KALRN: variants seen among roughly 807,000 people sequenced by gnomAD.
KALRN encodes the protein kalirin RhoGEF kinase.
Under a neutral mutation model 353.7 loss-of-function variants are expected in KALRN, and 70 were observed. That is an observed-to-expected ratio of 0.20 (90% CI 0.16 to 0.24). KALRN has a LOEUF of 0.24. Ranked by LOEUF, KALRN falls within the 10% of genes least tolerant of loss-of-function variation. The pLI is 1.00. For missense variants in KALRN, 2,791 were observed against 3,756.7 expected (o/e 0.74, Z 6.72); for synonymous variants, 1,391 against 1,434.8 (o/e 0.97, Z 0.69).
intron 33 of KALRN, among the ~76,000 whole-genome samples, chr3:124,511,244 ACT>A (rs2065868980): frequency 6.6e-6 from 1 of 151,894 alleles, no homozygotes; most frequent in African/African-American, 2.4e-5. Flanking sequence ...TGAGTTGAAC[ACT>A]CTCTGTTCCT....
At chr3:124,430,300 A>T (rs934589431) in intron 15 of KALRN, among the ~76,000 whole-genome samples, 2 of 152,216 alleles carry the variant, frequency 1.3e-5, no homozygotes, top group Admixed American at 1.3e-4. Context: ...AAAGAAAAGG[A>T]TACCAACAGA....
At position 124,637,246 on chromosome 3, in the gene KALRN, A is replaced by T. The variant is rs761619140; in HGVS notation, c.5607A>T (p.Glu1869Asp). Reference sequence around the variant, plus strand: ...TAGCAGCCCGGCAGGCTTCCACTGAAGTACCTACTGCTGCAGACCTTGTCA... The same window carrying T: ...TAGCAGCCCGGCAGGCTTCCACTGATGTACCTACTGCTGCAGACCTTGTCA... ...SLLAARQAST[E>D]VPTAADLVNA... Residue 1869 changes from glutamate (E) to aspartate (D), a missense_variant, in exon 37 of 60, where the codon GAA (glutamate) becomes GAT (aspartate). Physicochemically the swap from Glu to Asp is conservative, Grantham distance 45 (BLOSUM62 2). This residue lies in a region of KALRN where 1,065 missense variants were observed against 1,156.4 expected (regional missense o/e 0.92). Transcript: ENST00000682506. 6.2e-7 allele frequency: 1 copy of T among 1,614,170 alleles called. No homozygotes were observed. Among genetic ancestry groups the T allele is most frequent in the Non-Finnish European group, 8.5e-7 (1 of 1,180,030 alleles).
rs549580955 is a variant in KALRN at position 124,397,782 on chromosome 3, C to T, written c.2172-915C>T. On this transcript the variant is annotated intron_variant, in intron 12 of 59. Coordinates refer to ENST00000682506, the MANE Select transcript of KALRN (RefSeq NM_001388419.1). ...GGCTGCACCCCCTCCTATTACTTGA[C>T]TGTGTTTCTCCATTTCTTCAAACCC... 9.2e-5 allele frequency among the ~76,000 whole-genome samples: 14 copies of T among 152,328 alleles called. No individual in the cohort carries two copies. The South Asian group carries it at 2.5e-3, about 27-fold the overall frequency.
At chr3:124,495,222 C>T (rs1020071869) in intron 32 of KALRN, among the ~76,000 whole-genome samples, 4 of 152,140 alleles carry the variant, frequency 2.6e-5, no homozygotes, top group African/African-American at 9.7e-5. Context: ...GAACCTGTGA[C>T]TGTTCACCAA....
intron 15 of KALRN, among the ~76,000 whole-genome samples, chr3:124,429,428 G>A (rs1407204931): frequency 6.6e-6 from 1 of 152,202 alleles, no homozygotes; most frequent in Non-Finnish European, 1.5e-5. Context: ...ATCTGAAACA[G>A]ATAGTGGTGT....
intron 58 of KALRN, 61 bp downstream of exon 58, chr3:124,713,196 C>T: frequency 3.5e-6 from 5 of 1,415,720 alleles, no homozygotes; most frequent in Non-Finnish European, 4.9e-6. Flanking sequence ...CTTTTGCCCA[C>T]AATTAATGGA....
chr3:124,068,691 TA>T, intron 1 of KALRN, among the ~76,000 whole-genome samples: 1 of 152,320 alleles, frequency 6.6e-6, no homozygotes, highest in East Asian at 1.9e-4. Context: ...TGGTAGATTT[TA>T]AATATTTATT....
chr3:124,579,235 G>A (rs568408694), intron 34 of KALRN, among the ~76,000 whole-genome samples: 25 of 152,238 alleles, frequency 1.6e-4, no homozygotes, highest in African/African-American at 4.6e-4. Context: ...CTGACATTGT[G>A]GTACACCTGG....
At chr3:124,125,295 GC>G (rs1370744587) in intron 1 of KALRN, among the ~76,000 whole-genome samples, 8 of 152,194 alleles carry the variant, frequency 5.3e-5, no homozygotes, top group Admixed American at 2.0e-4. Context: ...CTAGCAACAA[GC>G]CTTGAATCTA....
intron 33 of KALRN, among the ~76,000 whole-genome samples, chr3:124,508,681 G>T (rs2065516286): frequency 6.6e-6 from 1 of 152,150 alleles, no homozygotes; most frequent in South Asian, 2.1e-4. Flanking sequence ...AAGTAAAATT[G>T]TTAGGTGATA....
chr3:124,159,157 CTT>C (rs2069496927), intron 1 of KALRN, among the ~76,000 whole-genome samples: 1 of 152,186 alleles, frequency 6.6e-6, no homozygotes, highest in Admixed American at 6.5e-5. Flanking sequence ...TTCCCCATGT[CTT>C]CTGAGCTCAC....
At chr3:124,035,899 C>A (rs1217106911) in intron 1 of KALRN, among the ~76,000 whole-genome samples, 2 of 152,132 alleles carry the variant, frequency 1.3e-5, no homozygotes, top group Non-Finnish European at 2.9e-5. Context: ...GTGCATGAGG[C>A]TGGAAATGAC....
At chr3:124,691,801 C>A (rs1258052267) in intron 51 of KALRN, among the ~76,000 whole-genome samples, 5 of 152,336 alleles carry the variant, frequency 3.3e-5, no homozygotes, top group South Asian at 2.1e-4. Flanking sequence ...TTAGTGCCCC[C>A]CTACAGGTGA....
At chr3:124,672,094 C>T (rs1246621040) in intron 48 of KALRN, among the ~76,000 whole-genome samples, 196 bp downstream of exon 48, 3 of 152,144 alleles carry the variant, frequency 2.0e-5, no homozygotes, top group African/African-American at 7.2e-5. Context: ...GGACTACAGG[C>T]GCCCTACCAT....
chr3:124,585,017 A>G, intron 34 of KALRN: 1 of 1,307,306 alleles, frequency 7.6e-7, no homozygotes, highest in Middle Eastern at 2.0e-4. Flanking sequence ...GGGTAGGCGG[A>G]TGGGGCTGGG....
At chr3:124,718,415 C>T (rs1273869597) in intron 59 of KALRN, among the ~76,000 whole-genome samples, 1 of 152,160 alleles carries the variant, frequency 6.6e-6, no homozygotes, top group Non-Finnish European at 1.5e-5. Context: ...GCCACCGTGC[C>T]CGGCCTCCCC....
chr3:124,655,199 G>A (rs1305038610), intron 38 of KALRN, among the ~76,000 whole-genome samples: 1 of 152,202 alleles, frequency 6.6e-6, no homozygotes, highest in Non-Finnish European at 1.5e-5. Flanking sequence ...AATGAAGGAA[G>A]AAAAGTCTCA....
chr3:124,397,202 A>G (rs2090273761), intron 12 of KALRN, among the ~76,000 whole-genome samples: 1 of 152,224 alleles, frequency 6.6e-6, no homozygotes, highest in African/African-American at 2.4e-5. Context: ...AAAGCCCTCA[A>G]CAAATACATA....
At chr3:124,089,448 G>C (rs1297736394) in intron 1 of KALRN, among the ~76,000 whole-genome samples, 1 of 152,088 alleles carries the variant, frequency 6.6e-6, no homozygotes, top group South Asian at 2.1e-4. Flanking sequence ...AAACCTCCTG[G>C]GGGGTGAACG....
Sources: allele counts gnomAD v4.1 joint callset (sites outside exome capture counted in the v4.1 genomes callset), GRCh38; gene constraint gnomAD v4.1.1; regional missense constraint gnomAD v4.1.1; transcripts MANE v1.5; gene names NCBI Gene and HGNC (gene_info 2026-07-23, HGNC 2026-07-21).